MACROD2: variants seen among roughly 807,000 people sequenced by gnomAD.
MACROD2 encodes the protein mono-ADP ribosylhydrolase 2, also known as ADP-ribose glycohydrolase MACROD2.
In MACROD2, 36 loss-of-function variants were observed where a neutral mutation model predicts 70.4. That is an observed-to-expected ratio of 0.51 (90% CI 0.39 to 0.68). The LOEUF is 0.68. MACROD2 is among the 30% of genes least tolerant of loss of function. MACROD2 has a pLI of 0.00. For missense variants in MACROD2, 496 were observed against 538.4 expected (o/e 0.92, Z 0.78); for synonymous variants, 172 against 178.8 (o/e 0.96, Z 0.30).
At chr20:15,598,423 G>C (rs2048774296) in intron 8 of MACROD2, among the ~76,000 whole-genome samples, 1 of 152,120 alleles carries the variant, frequency 6.6e-6, no homozygotes, top group Non-Finnish European at 1.5e-5. Flanking sequence ...TCCATCCCAT[G>C]AGTTGTGTCT....
intron 8 of MACROD2, among the ~76,000 whole-genome samples, chr20:15,754,400 A>T (rs1414651933): frequency 1.3e-5 from 2 of 152,206 alleles, no homozygotes; most frequent in Non-Finnish European, 2.9e-5. Flanking sequence ...AGGTGGGCAG[A>T]TCACCTGAGG....
intron 3 of MACROD2, among the ~76,000 whole-genome samples, chr20:14,437,765 C>T (rs904473815): frequency 6.6e-6 from 1 of 152,060 alleles, no homozygotes; most frequent in Non-Finnish European, 1.5e-5. Flanking sequence ...TTACTACACT[C>T]AAAATACATT....
intron 3 of MACROD2, among the ~76,000 whole-genome samples, chr20:14,351,240 T>C (rs1261761444): frequency 6.6e-6 from 1 of 152,158 alleles, no homozygotes; most frequent in African/African-American, 2.4e-5. Context: ...CTGGTTTTTT[T>C]GTTGTTGTTG....
Position 14,045,099 on chromosome 20 carries a change from G to C in MACROD2, c.164-40522G>C, listed in dbSNP as rs551759841. On this transcript the variant is annotated intron_variant, in intron 2 of 17. Transcript: ENST00000684519. The stretch of plus-strand genomic sequence containing the variant: ...CGAGTGCGGGGCCCGAGGAGCCCAC[G>C]CCCACCTGGAACTTCGGCTGGCCTG... 1.0e-3 allele frequency among the ~76,000 whole-genome samples: 157 copies of C among 152,346 alleles called. 1 individual carries two copies. Among genetic ancestry groups the C allele is most frequent in the Middle Eastern group, 3.4e-3 (1 of 294 alleles).
intron 8 of MACROD2, among the ~76,000 whole-genome samples, chr20:15,841,605 G>A (rs2064171483): frequency 6.6e-6 from 1 of 152,056 alleles, no homozygotes; most frequent in Middle Eastern, 3.2e-3. Context: ...GTATTTACGG[G>A]ATGGTGCTAA....
At chr20:14,673,617 A>C (rs1276381040) in intron 4 of MACROD2, among the ~76,000 whole-genome samples, 1 of 152,072 alleles carries the variant, frequency 6.6e-6, no homozygotes, top group Non-Finnish European at 1.5e-5. Context: ...GAATTTCTTC[A>C]ACTATAAAAT....
rs1243978046 is a variant in MACROD2 at position 15,021,226 on chromosome 20, GCGTATACACACACCTGTGTGTA to G, written c.419-208713_419-208692del. The stretch of plus-strand genomic sequence containing the variant: ...TGTGTATGTATACACATACAGGTGT[GCGTATACACACACCTGTGTGTA>G]TGTATACACACACCTGTGTGTGTGT... On this transcript the variant is annotated intron_variant, in intron 5 of 17. Coordinates refer to ENST00000684519, the MANE Select transcript of MACROD2 (RefSeq NM_001351661.2). 6.3e-4 allele frequency among the ~76,000 whole-genome samples: 69 copies of G among 109,654 alleles called. 6 individuals carry two copies. Among genetic ancestry groups the G allele is most frequent in the African/African-American group, 2.4e-3 (66 of 27,730 alleles). The allele number at this position is 109,654 out of a possible 152,430, so 71.9% of individuals were successfully genotyped here. A position where few individuals can be genotyped will look rare whatever the true frequency, so the allele number is the denominator to read the frequency against.
intron 13 of MACROD2, among the ~76,000 whole-genome samples, chr20:15,980,797 C>A (rs2066386862): frequency 1.3e-5 from 2 of 152,144 alleles, no homozygotes; most frequent in South Asian, 4.1e-4. Flanking sequence ...AGAGCTAATC[C>A]ATTTTGATAG....
rs181495366 is a variant in MACROD2 at position 15,794,855 on chromosome 20, C to T, written c.646-67890C>T. On this transcript the variant is annotated intron_variant, in intron 8 of 17. Transcript: ENST00000684519. Reference sequence around the variant, plus strand: ...TTTCTCTCAAACCATATGCCACTAACGCCTGATTAGCTATGATCAGATAGA... The same window carrying T: ...TTTCTCTCAAACCATATGCCACTAATGCCTGATTAGCTATGATCAGATAGA... Among the ~76,000 whole-genome samples the T allele has an allele frequency of 1.1e-4, 16 of 152,252 alleles. No homozygotes were observed. The East Asian group carries it at 2.3e-3, about 22-fold the overall frequency.
intron 6 of MACROD2, among the ~76,000 whole-genome samples, chr20:15,259,131 A>G (rs1456008583): frequency 2.0e-5 from 3 of 151,972 alleles, no homozygotes; most frequent in Non-Finnish European, 4.4e-5. Flanking sequence ...CCCCCCATAC[A>G]ACATTCTGCT....
chr20:14,254,017 CAA>C, intron 3 of MACROD2, among the ~76,000 whole-genome samples: 1 of 151,414 alleles, frequency 6.6e-6, no homozygotes, highest in South Asian at 2.1e-4. Flanking sequence ...TAATTTAAAA[CAA>C]AATTAATACA....
At chr20:15,838,170 G>A (rs929805446) in intron 8 of MACROD2, among the ~76,000 whole-genome samples, 2 of 151,800 alleles carry the variant, frequency 1.3e-5, no homozygotes, top group African/African-American at 4.8e-5. Flanking sequence ...ATGGGGCTGT[G>A]GTACATTCCA....
Position 14,979,654 on chromosome 20 carries a change from A to C in MACROD2, c.419-250286A>C, listed in dbSNP as rs1277498687. On this transcript the variant is annotated intron_variant, in intron 5 of 17. Coordinates refer to ENST00000684519, the MANE Select transcript of MACROD2 (RefSeq NM_001351661.2). ...TCGACATAAATGTCAATGTTTGATC[A>C]CAAGTTTTTTTTACCAAATGCCAAT... Among the ~76,000 whole-genome samples, 4 of 152,348 alleles carry C rather than the reference A, an allele frequency of 2.6e-5. No homozygotes were observed. The East Asian group carries it at 7.7e-4, about 29-fold the overall frequency.
chr20:15,925,128 T>A (rs1352090226), intron 10 of MACROD2, among the ~76,000 whole-genome samples: 3 of 152,224 alleles, frequency 2.0e-5, no homozygotes, highest in Non-Finnish European at 2.9e-5. Flanking sequence ...GCATAATTTA[T>A]CATCAATTTG....
At chr20:14,596,853 A>G (rs1394766071) in intron 4 of MACROD2, among the ~76,000 whole-genome samples, 3 of 152,170 alleles carry the variant, frequency 2.0e-5, no homozygotes, top group Non-Finnish European at 2.9e-5. Context: ...ATGTTTGTAC[A>G]TGGGGTTTGT....
At chr20:14,319,440 C>T (rs1001617142) in intron 3 of MACROD2, among the ~76,000 whole-genome samples, 3 of 152,160 alleles carry the variant, frequency 2.0e-5, no homozygotes, top group Admixed American at 6.5e-5. Context: ...TGATATATCT[C>T]CCTCCTGGTG....
At chr20:15,741,638 T>C (rs541993213) in intron 8 of MACROD2, among the ~76,000 whole-genome samples, 2 of 152,248 alleles carry the variant, frequency 1.3e-5, no homozygotes, top group South Asian at 4.1e-4. Flanking sequence ...CTGGGCACCA[T>C]ATATAAGAAA....
chr20:15,490,110 T>C (rs146862095), intron 7 of MACROD2, among the ~76,000 whole-genome samples: 1 of 149,342 alleles, frequency 6.7e-6, no homozygotes, highest in Non-Finnish European at 1.5e-5. Context: ...AGTCACACCA[T>C]ACTTTGCACA....
chr20:15,602,930 GC>G (rs1469465783), intron 8 of MACROD2, among the ~76,000 whole-genome samples: 2 of 113,248 alleles, frequency 1.8e-5, no homozygotes, highest in African/African-American at 1.0e-4. Context: ...TTTAACCAAT[GC>G]CCATTTTCTT....
Sources: gnomAD v4.1 joint callset for allele counts (sites outside exome capture counted in the v4.1 genomes callset) on GRCh38, gnomAD v4.1.1 for gene constraint, MANE v1.5 for transcripts, NCBI Gene and HGNC (gene_info 2026-07-23, HGNC 2026-07-21) for gene names.